Variants in LRMDA observed in about 807,000 individuals in gnomAD.
The protein encoded by LRMDA is leucine rich melanocyte differentiation associated.
In LRMDA, 18 loss-of-function variants were observed where a neutral mutation model predicts 29.8. That is an observed-to-expected ratio of 0.60 (90% CI 0.42 to 0.90). LRMDA has a LOEUF of 0.90. Ranked by LOEUF, LRMDA falls within the 40% of genes least tolerant of loss-of-function variation. LRMDA has a pLI of 0.00. For synonymous variants in LRMDA, 125 were observed against 109.4 expected (o/e 1.14, Z -0.89); for missense variants, 273 against 273.9 (o/e 1.00, Z 0.02).
chr10:76,303,882 G>T (rs1840515574), intron 5 of LRMDA, among the ~76,000 whole-genome samples: 1 of 152,010 alleles, frequency 6.6e-6, no homozygotes, highest in Admixed American at 6.6e-5. Context: ...CTGCAGCTCG[G>T]GAGACACTCT....
chr10:75,735,823 A>G (rs891493188), intron 2 of LRMDA, among the ~76,000 whole-genome samples: 4 of 152,262 alleles, frequency 2.6e-5, no homozygotes, highest in African/African-American at 9.6e-5. Context: ...CCTCAGAAGC[A>G]GCATATCCTA....
rs2132041241 is a variant in LRMDA at position 76,047,247 on chromosome 10, C to A, written c.342C>A (p.Ala114=). The A allele has an allele frequency of 6.2e-7, 1 of 1,614,038 alleles. No individual in the cohort carries two copies. The highest frequency in any genetic ancestry group is 8.5e-7 in the Non-Finnish European group (1 of 1,179,968). The change falls in exon 4 of 7, where the codon GCC becomes GCA. Residue 114 remains alanine, a synonymous_variant. Transcript: ENST00000611255. ...ACCTCAGTCTGCTGGGCAACGTGGC[C>A]TGTCCCAACGAGCTGGTCAGCTTGG... The part of the protein sequence containing the change: ...LEYLSLLGNV[A]CPNELVSLEK...
Position 75,438,375 on chromosome 10 carries a change from T to C in LRMDA, c.31-19T>C. On this transcript the variant is annotated intron_variant, in intron 1 of 6. Transcript: ENST00000611255. The stretch of plus-strand genomic sequence containing the variant: ...TGATTTCCATTTGCCACATTGTTTC[T>C]GTTCCATTTAATTTCCAGGTGTCCT... 1 of 1,538,020 alleles carries C rather than the reference T, an allele frequency of 6.5e-7. No homozygotes were observed. Among genetic ancestry groups the C allele is most frequent in the South Asian group, 1.2e-5 (1 of 83,746 alleles).
At chr10:75,457,604 C>T (rs181462878) in intron 2 of LRMDA, among the ~76,000 whole-genome samples, 76 of 152,298 alleles carry the variant, frequency 5.0e-4, no homozygotes, top group Middle Eastern at 3.4e-3. Flanking sequence ...TGAGGCTGTA[C>T]ATTAAATAAT....
At chr10:76,386,912 A>G (rs1841666421) in intron 6 of LRMDA, among the ~76,000 whole-genome samples, 1 of 152,128 alleles carries the variant, frequency 6.6e-6, no homozygotes, top group African/African-American at 2.4e-5. Context: ...ATGTGATTAT[A>G]CAAAACTAGA....
chr10:76,234,583 A>G (rs1019399176), intron 5 of LRMDA, among the ~76,000 whole-genome samples: 1 of 152,228 alleles, frequency 6.6e-6, no homozygotes, highest in South Asian at 2.1e-4. Flanking sequence ...TGTTTTGTCT[A>G]CATTGGAAAT....
At chr10:76,125,100 T>C (rs1849857138) in intron 5 of LRMDA, among the ~76,000 whole-genome samples, 1 of 152,256 alleles carries the variant, frequency 6.6e-6, no homozygotes, top group Non-Finnish European at 1.5e-5. Context: ...TGATTCAAAT[T>C]ATCTTTTCTT....
chr10:76,194,227 A>G (rs1197946630), intron 5 of LRMDA, among the ~76,000 whole-genome samples: 1 of 152,192 alleles, frequency 6.6e-6, no homozygotes, highest in African/African-American at 2.4e-5. Flanking sequence ...TTTCGGATGG[A>G]CAAGAACAGG....
intron 2 of LRMDA, among the ~76,000 whole-genome samples, chr10:75,960,559 G>A (rs1426919832): frequency 6.6e-6 from 1 of 152,200 alleles, no homozygotes; most frequent in Admixed American, 6.5e-5. Flanking sequence ...AGGTTTCCAT[G>A]ATTGGGAAGA....
chr10:75,807,882 G>A lies in LRMDA; in HGVS notation c.132-228126G>A, dbSNP rs1843884822. 1.3e-5 allele frequency among the ~76,000 whole-genome samples: 2 copies of A among 152,128 alleles called. 1 individual carries two copies. The highest frequency in any genetic ancestry group is 4.8e-5 in the African/African-American group (2 of 41,418). On this transcript the variant is annotated intron_variant, in intron 2 of 6. Transcript: ENST00000611255. ...TACACAGCTACCATTTCTGAGCAAT[G>A]GACATATTTCTGAGTAATGAGTTAA...
intron 2 of LRMDA, among the ~76,000 whole-genome samples, chr10:75,961,317 A>G (rs1316337354): frequency 6.6e-6 from 1 of 152,240 alleles, no homozygotes. Context: ...ATAATTACAT[A>G]TTCCTAATGA....
intron 2 of LRMDA, among the ~76,000 whole-genome samples, chr10:75,724,157 T>A (rs1321512662): frequency 1.3e-5 from 2 of 152,164 alleles, no homozygotes; most frequent in African/African-American, 4.8e-5. Flanking sequence ...ATATGGTAAT[T>A]CAGCATGAAA....
rs1461868890 is a variant in LRMDA at position 76,377,634 on chromosome 10, A to T, written c.601+53149A>T. Among the ~76,000 whole-genome samples the T allele has an allele frequency of 2.0e-5, 3 of 152,266 alleles. No homozygotes were observed. The South Asian group carries it at 6.2e-4, about 32-fold the overall frequency. ...TTCCCAGCACCATTTATTAAATATG[A>T]TGTCCTTTCTCCAGTATATGTTTTG... On this transcript the variant is annotated intron_variant, in intron 6 of 6. Coordinates refer to ENST00000611255, the MANE Select transcript of LRMDA (RefSeq NM_001305581.2).
At chr10:76,277,283 C>A (rs2132329199) in intron 5 of LRMDA, among the ~76,000 whole-genome samples, 1 of 152,254 alleles carries the variant, frequency 6.6e-6, no homozygotes, top group African/African-American at 2.4e-5. Context: ...AGAAATTCAC[C>A]TCTTGGTGGG....
At chr10:75,857,090 A>C (rs1363151454) in intron 2 of LRMDA, among the ~76,000 whole-genome samples, 1 of 152,202 alleles carries the variant, frequency 6.6e-6, no homozygotes, top group African/African-American at 2.4e-5. Flanking sequence ...ACCTCTGGCA[A>C]GTTAGCTTCT....
At chr10:76,380,552 T>C (rs1168656164) in intron 6 of LRMDA, among the ~76,000 whole-genome samples, 1 of 151,348 alleles carries the variant, frequency 6.6e-6, no homozygotes, top group Non-Finnish European at 1.5e-5. Context: ...GCCTGTAGTC[T>C]CAGCTACTCA....
chr10:75,822,311 T>C, intron 2 of LRMDA, among the ~76,000 whole-genome samples: 1 of 152,176 alleles, frequency 6.6e-6, no homozygotes, highest in East Asian at 1.9e-4. Flanking sequence ...AAAGAAATCA[T>C]AGATGACACA....
intron 6 of LRMDA, among the ~76,000 whole-genome samples, chr10:76,481,420 G>A (rs1205734309): frequency 6.6e-6 from 1 of 151,786 alleles, no homozygotes. Flanking sequence ...GCCTTCTTTA[G>A]GGAGATATAA....
Position 76,048,838 on chromosome 10 carries a change from C to T in LRMDA, c.398+1535C>T, listed in dbSNP as rs553254004. Among the ~76,000 whole-genome samples the T allele has an allele frequency of 2.4e-3, 369 of 152,286 alleles. 2 individuals carry two copies. The highest frequency in any genetic ancestry group is 7.5e-3 in the African/African-American group (310 of 41,560). On this transcript the variant is annotated intron_variant, in intron 4 of 6. Coordinates refer to ENST00000611255, the MANE Select transcript of LRMDA (RefSeq NM_001305581.2). ...TATTTCCACATCTAGAGAATGGCTT[C>T]CAGTGGGTAGGAGCTGAGTTGTCTT... is the stretch of plus-strand genomic sequence containing the variant.
Sources: allele counts gnomAD v4.1 joint callset (sites outside exome capture counted in the v4.1 genomes callset), GRCh38; gene constraint gnomAD v4.1.1; transcripts MANE v1.5; gene names NCBI Gene and HGNC (gene_info 2026-07-23, HGNC 2026-07-21).